GPC6: variants seen among roughly 807,000 people sequenced by gnomAD.
The protein encoded by GPC6 is glypican-6.
In GPC6, 14 loss-of-function variants were observed where a neutral mutation model predicts 55.2. That is an observed-to-expected ratio of 0.25 (90% CI 0.17 to 0.40). The LOEUF is 0.40. GPC6 is among the 10% of genes least tolerant of loss of function. GPC6 has a pLI of 1.00. For synonymous variants in GPC6, 278 were observed against 259.6 expected (o/e 1.07, Z -0.68); for missense variants, 641 against 708.5 (o/e 0.90, Z 1.08).
intron 4 of GPC6, among the ~76,000 whole-genome samples, chr13:94,071,950 T>A (rs534924487): frequency 5.3e-5 from 8 of 152,320 alleles, no homozygotes; most frequent in African/African-American, 1.9e-4. Context: ...CCTAAATGAC[T>A]TTTTGCCATA....
chr13:94,288,913 GTTATATATATAACAAAT>G (rs1566638283), intron 5 of GPC6, among the ~76,000 whole-genome samples: 9 of 123,072 alleles, frequency 7.3e-5, no homozygotes, highest in African/African-American at 2.5e-4. Context: ...ATATATATTT[GTTATATATATAACAAAT>G]ATAGATAGAT....
chr13:93,644,948 C>T (rs2139591334), intron 2 of GPC6, among the ~76,000 whole-genome samples: 1 of 152,162 alleles, frequency 6.6e-6, no homozygotes, highest in African/African-American at 2.4e-5. Flanking sequence ...TCAGAATGTC[C>T]TGGCATTTCA....
chr13:94,289,433 G>A (rs1245569124), intron 5 of GPC6, among the ~76,000 whole-genome samples: 1 of 152,126 alleles, frequency 6.6e-6, no homozygotes, highest in African/African-American at 2.4e-5. Flanking sequence ...CACACAGGGA[G>A]ATGACTGGGA....
intron 2 of GPC6, among the ~76,000 whole-genome samples, chr13:93,773,035 G>A (rs376878241): frequency 1.2e-4 from 18 of 152,118 alleles, no homozygotes; most frequent in African/African-American, 4.3e-4. Flanking sequence ...CCAATATATA[G>A]TAGGTTATGA....
chr13:93,703,583 T>C (rs1347970566), intron 2 of GPC6, among the ~76,000 whole-genome samples: 1 of 151,928 alleles, frequency 6.6e-6, no homozygotes, highest in African/African-American at 2.4e-5. Flanking sequence ...ATTCTAATGG[T>C]CAAAATACAT....
chr13:93,948,119 G>A (rs1879095070), intron 3 of GPC6, among the ~76,000 whole-genome samples: 1 of 152,048 alleles, frequency 6.6e-6, no homozygotes. Context: ...ATTTTAACTT[G>A]TCCAGTCCAG....
intron 3 of GPC6, among the ~76,000 whole-genome samples, chr13:93,925,842 C>T (rs923515705): frequency 7.9e-5 from 12 of 152,120 alleles, no homozygotes; most frequent in African/African-American, 2.7e-4. Context: ...TGGCTGAGTT[C>T]CTTGGATCTT....
intron 1 of GPC6, among the ~76,000 whole-genome samples, chr13:93,377,806 T>C (rs1273883868): frequency 6.6e-6 from 1 of 152,238 alleles, no homozygotes; most frequent in Non-Finnish European, 1.5e-5. Context: ...AATGTTTGTT[T>C]GCCACATAAT....
intron 7 of GPC6, among the ~76,000 whole-genome samples, chr13:94,397,540 CA>C (rs1880945050): frequency 6.6e-6 from 1 of 152,178 alleles, no homozygotes; most frequent in African/African-American, 2.4e-5. Flanking sequence ...CCCTAATAGA[CA>C]CCTCAATCAT....
intron 3 of GPC6, among the ~76,000 whole-genome samples, chr13:94,014,059 T>C (rs755101705): frequency 4.6e-5 from 7 of 152,236 alleles, no homozygotes; most frequent in Non-Finnish European, 8.8e-5. Flanking sequence ...GGAACATTTT[T>C]CCTTCAGGCT....
At chr13:93,446,390 C>T (rs750867052) in intron 1 of GPC6, among the ~76,000 whole-genome samples, 15 of 149,302 alleles carry the variant, frequency 1.0e-4, no homozygotes, top group Middle Eastern at 6.9e-3. Context: ...GTAATTTGAG[C>T]ACTCATTCAG....
intron 1 of GPC6, among the ~76,000 whole-genome samples, chr13:93,273,901 C>G (rs1877637111): frequency 6.6e-6 from 1 of 151,756 alleles, no homozygotes; most frequent in South Asian, 2.1e-4. Flanking sequence ...CTCTGCCTCC[C>G]AGGTTCAAGC....
At chr13:94,144,404 A>AACACACACACACACAC (rs59772537) in intron 4 of GPC6, among the ~76,000 whole-genome samples, 75 of 143,426 alleles carry the variant, frequency 5.2e-4, no homozygotes, top group African/African-American at 1.5e-3. Context: ...GTGCTTTTAA[A>AACACACACACACACAC]ACACACACAC....
chr13:93,955,777 T>C (rs978913712), intron 3 of GPC6, among the ~76,000 whole-genome samples: 6 of 152,220 alleles, frequency 3.9e-5, no homozygotes, highest in Admixed American at 2.0e-4. Flanking sequence ...TGCAAAGCAA[T>C]AAACCTTACT....
chr13:94,288,488 A>C (rs1892592280), intron 5 of GPC6, among the ~76,000 whole-genome samples: 2 of 151,680 alleles, frequency 1.3e-5, no homozygotes, highest in South Asian at 4.1e-4. Context: ...GAATGGAATA[A>C]AACTCCTGCA....
At chr13:93,929,862 AG>A (rs1325711960) in intron 3 of GPC6, among the ~76,000 whole-genome samples, 1 of 152,006 alleles carries the variant, frequency 6.6e-6, no homozygotes, top group East Asian at 1.9e-4. Context: ...AAGGAAGAAA[AG>A]AAAAGAAGAG....
intron 2 of GPC6, among the ~76,000 whole-genome samples, chr13:93,558,309 T>C (rs1875586842): frequency 6.6e-6 from 1 of 152,190 alleles, no homozygotes. Flanking sequence ...TTCTTACCTA[T>C]AAGGACCCTG....
At chr13:94,361,359 C>CTAATAATATT (rs1440888562) in intron 6 of GPC6, among the ~76,000 whole-genome samples, 19 of 152,332 alleles carry the variant, frequency 1.2e-4, no homozygotes, top group African/African-American at 4.6e-4. Flanking sequence ...GTTCAAATTC[C>CTAATAATATT]TAATAATATT....
At chr13:93,279,570 T>C (rs1380431934) in intron 1 of GPC6, among the ~76,000 whole-genome samples, 11 of 152,348 alleles carry the variant, frequency 7.2e-5, no homozygotes, top group Admixed American at 7.2e-4. Flanking sequence ...ACTCATATTC[T>C]AGTGTGCATA....
Sources: gnomAD v4.1 joint callset for allele counts (sites outside exome capture counted in the v4.1 genomes callset) on GRCh38, gnomAD v4.1.1 for gene constraint, MANE v1.5 for transcripts, NCBI Gene and HGNC (gene_info 2026-07-23, HGNC 2026-07-21) for gene names.